UGT2B7: variants seen among roughly 807,000 people sequenced by gnomAD.
UGT2B7 encodes UDP glucuronosyltransferase family 2 member B7.
UGT2B7 carries 51 observed loss-of-function variants against 51.9 expected under a neutral mutation model. The observed-to-expected ratio is 0.98, with a 90% confidence interval of 0.78 to 1.24. The LOEUF is 1.24. UGT2B7 is among the 50% of genes most tolerant of loss of function. UGT2B7 has a pLI of 0.00. For synonymous variants in UGT2B7, 225 were observed against 211.6 expected, an observed-to-expected ratio of 1.06 and a Z score of -0.55; for missense variants, 727 against 628.4, an observed-to-expected ratio of 1.16 and a Z score of -1.68.
chr4:69,077,808 A>G (rs1718749025), intron 1 of UGT2B7, among the ~76,000 whole-genome samples: 2 of 152,172 alleles, frequency 1.3e-5, no homozygotes, highest in Non-Finnish European at 2.9e-5. Context: ...AGAACCTCCA[A>G]TACTATGTTG....
At chr4:69,081,530 G>C (rs951950518) in intron 1 of UGT2B7, among the ~76,000 whole-genome samples, 3 of 152,028 alleles carry the variant, frequency 2.0e-5, no homozygotes, top group Non-Finnish European at 2.9e-5. Flanking sequence ...ATCACACAAA[G>C]CTACACAAGA....
chr4:69,070,155 T>C lies in UGT2B7; in HGVS notation c.-159+18553T>C, dbSNP rs1435733506. ...AATGAGATTCACTAGAAACTCAGTCTGTTTACTTGAGAAAGGCAGAAAGAT... is the reference window on the plus strand; with the variant it reads ...AATGAGATTCACTAGAAACTCAGTCCGTTTACTTGAGAAAGGCAGAAAGAT... On this transcript the variant is annotated intron_variant, in intron 1 of 5. Coordinates refer to the UGT2B7 transcript ENST00000502942. Among the ~76,000 whole-genome samples, 5 of 150,354 alleles carry C rather than the reference T, an allele frequency of 3.3e-5. No homozygotes were observed. In the South Asian group the frequency reaches 8.3e-4, roughly 25 times the overall value.
Position 69,064,414 on chromosome 4 carries a change from C to A in UGT2B7, c.-159+12812C>A, listed in dbSNP as rs550047473. 4.6e-5 allele frequency among the ~76,000 whole-genome samples: 7 copies of A among 152,282 alleles called. No individual in the cohort carries two copies. The South Asian group carries it at 1.5e-3, about 32-fold the overall frequency. On this transcript the variant is annotated intron_variant, in intron 1 of 5. Coordinates refer to the UGT2B7 transcript ENST00000502942. Reference sequence around the variant, plus strand: ...ATTCTGTTTTGTCTAAAAGGTACTGCGAAGGTCATGAGACGCCTGAGAAGG... The same window carrying A: ...ATTCTGTTTTGTCTAAAAGGTACTGAGAAGGTCATGAGACGCCTGAGAAGG...
chr4:69,108,226 A>T lies in UGT2B7; in HGVS notation c.1214A>T (p.His405Leu). ...LFADQPDNIA[H>L]MKARGAAVRV... ...GCCGATCAACCTGATAACATTGCTC[A>T]CATGAAGGCCAGGGGAGCAGCTGTT... Residue 405 changes from histidine (H) to leucine (L), a missense_variant, in exon 5 of 6, where the codon CAC becomes CTC. By Grantham distance (99) the His-to-Leu change is moderately conservative. Coordinates refer to ENST00000305231, the MANE Select transcript of UGT2B7 (RefSeq NM_001074.4). The T allele has an allele frequency of 1.2e-6, 2 of 1,613,818 alleles. No homozygotes were observed. Among genetic ancestry groups the T allele is most frequent in the Non-Finnish European group, 1.7e-6 (2 of 1,179,752 alleles).
chr4:69,073,761 A>T (rs1326939305), intron 1 of UGT2B7, among the ~76,000 whole-genome samples: 1 of 152,162 alleles, frequency 6.6e-6, no homozygotes, highest in Non-Finnish European at 1.5e-5. Context: ...AAAAACAGGT[A>T]ATCAGGAAAT....
At chr4:69,111,027 G>A (rs1037808949) in intron 5 of UGT2B7, among the ~76,000 whole-genome samples, 15 of 152,060 alleles carry the variant, frequency 9.9e-5, no homozygotes, top group African/African-American at 3.4e-4. Flanking sequence ...CTCTCTTAGA[G>A]GTAACATTAG....
intron 2 of UGT2B7, among the ~76,000 whole-genome samples, chr4:69,091,337 G>A (rs1719079924): frequency 6.6e-6 from 1 of 151,546 alleles, no homozygotes; most frequent in Admixed American, 6.6e-5. Context: ...GGTTTTGTGT[G>A]GAATGAAAGA....
rs1718548168 is a variant in UGT2B7 at position 69,069,301 on chromosome 4, T to C, written c.-159+17699T>C. ...CTATCTCTAGACTTTGATATTATTT[T>C]GAAACTTGTATGCCAGGTCCATTAA... On this transcript the variant is annotated intron_variant, in intron 1 of 5. Coordinates refer to the UGT2B7 transcript ENST00000502942. Among the ~76,000 whole-genome samples the C allele has an allele frequency of 3.9e-5, 6 of 152,090 alleles. No homozygotes were observed. In the South Asian group the frequency reaches 1.2e-3, roughly 32 times the overall value.
intron 1 of UGT2B7, among the ~76,000 whole-genome samples, chr4:69,064,647 A>G (rs966199332): frequency 1.3e-5 from 2 of 152,050 alleles, no homozygotes; most frequent in African/African-American, 4.8e-5. Context: ...AAGTTAGCCC[A>G]CCCCTTTTGG....
chr4:69,054,661 G>A (rs1324679322), intron 1 of UGT2B7, among the ~76,000 whole-genome samples: 1 of 151,756 alleles, frequency 6.6e-6, no homozygotes, highest in Non-Finnish European at 1.5e-5. Flanking sequence ...AGTAGACTAG[G>A]AGTTGTATGT....
chr4:69,084,702 G>C (rs1288386087), intron 1 of UGT2B7, among the ~76,000 whole-genome samples: 2 of 152,122 alleles, frequency 1.3e-5, no homozygotes, highest in Admixed American at 6.6e-5. Flanking sequence ...GCACTTAGCA[G>C]TGAAAACATG....
In UGT2B7 at chr4:69,071,525, G is replaced by A. The variant is rs182938145; in HGVS notation, c.-158-17947G>A. Among the ~76,000 whole-genome samples, 670 of 152,192 alleles carry A rather than the reference G, an allele frequency of 4.4e-3. 1 individual carries two copies. Among genetic ancestry groups the A allele is most frequent in the South Asian group, 0.019 (92 of 4,828 alleles). On this transcript the variant is annotated intron_variant, in intron 1 of 5. Coordinates refer to the UGT2B7 transcript ENST00000502942. ...GGTTTGAAAAGCAAATAACAGAGAA[G>A]AAGGGAACAAACTTAAGAGCTGTTC...
At chr4:69,066,195 G>T (rs190150284) in intron 1 of UGT2B7, among the ~76,000 whole-genome samples, 1 of 152,104 alleles carries the variant, frequency 6.6e-6, no homozygotes, top group Non-Finnish European at 1.5e-5. Context: ...AAGTTCAGGC[G>T]TACATGTTCC....
intron 5 of UGT2B7, among the ~76,000 whole-genome samples, chr4:69,110,688 C>G (rs145106329): frequency 6.6e-6 from 1 of 151,930 alleles, no homozygotes; most frequent in Non-Finnish European, 1.5e-5. Flanking sequence ...GTATGCTATT[C>G]GAAGTCAGGC....
chr4:69,075,820 T>A (rs574481280), intron 1 of UGT2B7, among the ~76,000 whole-genome samples: 1 of 152,196 alleles, frequency 6.6e-6, no homozygotes, highest in East Asian at 1.9e-4. Flanking sequence ...GGGCTACATG[T>A]GCAAAATGTG....
chr4:69,097,272 G>A (rs1383348276), intron 1 of UGT2B7, 31 bp downstream of exon 1: 14 of 1,587,446 alleles, frequency 8.8e-6, no homozygotes, highest in East Asian at 2.2e-5. Context: ...GTAACATGAA[G>A]CTCTAACTTA....
Position 69,059,633 on chromosome 4 carries a change from T to C in UGT2B7, c.-159+8031T>C, listed in dbSNP as rs557214237. 1.4e-3 allele frequency among the ~76,000 whole-genome samples: 137 copies of C among 98,902 alleles called. 1 individual carries two copies. The highest frequency in any genetic ancestry group is 6.6e-3 in the African/African-American group (130 of 19,826). The allele number at this position is 98,902 out of a possible 152,430, so 64.9% of individuals were successfully genotyped here. A position where few individuals can be genotyped will look rare whatever the true frequency, so the allele number is the denominator to read the frequency against. On this transcript the variant is annotated intron_variant, in intron 1 of 5. Coordinates refer to the UGT2B7 transcript ENST00000502942. ...GCTGTAAGTCAGGCACCAGTGGTGGTAGAGTTAAAATCCAGTTCAGGTCCA... is the reference window on the plus strand; with the variant it reads ...GCTGTAAGTCAGGCACCAGTGGTGGCAGAGTTAAAATCCAGTTCAGGTCCA...
chr4:69,108,913 C>G (rs965199775), intron 5 of UGT2B7, among the ~76,000 whole-genome samples: 3 of 152,066 alleles, frequency 2.0e-5, no homozygotes, highest in Non-Finnish European at 2.9e-5. Flanking sequence ...CCTATGACCG[C>G]TTAGCCCTGG....
At chr4:69,103,501 C>G (rs1230705768) in intron 3 of UGT2B7, among the ~76,000 whole-genome samples, 1 of 152,202 alleles carries the variant, frequency 6.6e-6, no homozygotes, top group Non-Finnish European at 1.5e-5. Flanking sequence ...GATATTAACA[C>G]TCATACATAC....
Sources: allele counts gnomAD v4.1 joint callset (sites outside exome capture counted in the v4.1 genomes callset), GRCh38; gene constraint gnomAD v4.1.1; transcripts MANE v1.5; gene names NCBI Gene and HGNC (gene_info 2026-07-23, HGNC 2026-07-21).